Variants in HECW2 observed in about 807,000 individuals in gnomAD.
HECW2 encodes E3 ubiquitin-protein ligase HECW2.
HECW2 carries 61 observed loss-of-function variants against 175.2 expected under a neutral mutation model. The ratio of observed to expected loss-of-function variants is 0.35; its 90% CI spans 0.28 to 0.43. HECW2 has a LOEUF of 0.43. HECW2 is among the 20% of genes least tolerant of loss of function. The pLI is 1.00. For missense variants in HECW2, 1,524 were observed against 2,000.5 expected (o/e 0.76, Z 4.54); for synonymous variants, 671 against 731.0 (o/e 0.92, Z 1.32).
chr2:196,349,072 ACCCTCTTCT>A (rs1455157457), intron 2 of HECW2, among the ~76,000 whole-genome samples: 4 of 152,020 alleles, frequency 2.6e-5, no homozygotes, highest in African/African-American at 9.7e-5. Context: ...TGCCTGCGGC[ACCCTCTTCT>A]CCACCAGTCA....
chr2:196,461,458 A>T (rs1431810467), intron 1 of HECW2, among the ~76,000 whole-genome samples: 1 of 152,220 alleles, frequency 6.6e-6, no homozygotes, highest in Non-Finnish European at 1.5e-5. Flanking sequence ...TTTCATACAC[A>T]CACCATGCCA....
intron 2 of HECW2, among the ~76,000 whole-genome samples, chr2:196,430,522 T>C (rs977954517): frequency 6.6e-6 from 1 of 152,154 alleles, no homozygotes; most frequent in Non-Finnish European, 1.5e-5. Context: ...TCAATTCAGT[T>C]TGAAGAACTG....
At chr2:196,360,576 GA>G (rs962733628) in intron 2 of HECW2, among the ~76,000 whole-genome samples, 4 of 150,750 alleles carry the variant, frequency 2.7e-5, no homozygotes, top group Admixed American at 6.6e-5. Flanking sequence ...GAGAGGATCA[GA>G]AAAAAAAATT....
chr2:196,509,589 C>T (rs1028085251), intron 1 of HECW2, among the ~76,000 whole-genome samples: 1 of 152,092 alleles, frequency 6.6e-6, no homozygotes, highest in African/African-American at 2.4e-5. Flanking sequence ...TTGGGGATCC[C>T]AAGGATTTTA....
intron 1 of HECW2, among the ~76,000 whole-genome samples, chr2:196,464,789 C>G (rs932430969): frequency 8.5e-5 from 13 of 152,294 alleles, no homozygotes; most frequent in African/African-American, 2.6e-4. Context: ...CGCCTGTAAT[C>G]CCAGCACTTT....
intron 14 of HECW2, chr2:196,289,894 A>C (rs1690542313): frequency 6.6e-6 from 1 of 152,170 alleles, no homozygotes; most frequent in African/African-American, 2.4e-5. Context: ...ATCTACTGGA[A>C]GCTGGTCACT....
At chr2:196,569,650 G>A in intron 1 of HECW2, among the ~76,000 whole-genome samples, 1 of 152,128 alleles carries the variant, frequency 6.6e-6, no homozygotes, top group East Asian at 1.9e-4. Context: ...CAGGACCCCC[G>A]ATTTGTGCCT....
chr2:196,353,297 T>C (rs866212112), intron 2 of HECW2, among the ~76,000 whole-genome samples: 14 of 152,350 alleles, frequency 9.2e-5, no homozygotes, highest in Middle Eastern at 6.8e-3. Flanking sequence ...CTCTGACTGC[T>C]TCATTTTGAA....
At chr2:196,546,834 A>G (rs79825531) in intron 1 of HECW2, among the ~76,000 whole-genome samples, 103 of 152,130 alleles carry the variant, frequency 6.8e-4, no homozygotes, top group Non-Finnish European at 1.1e-3. Flanking sequence ...AAAAAAAAAA[A>G]AGAGAGAAAG....
At position 196,343,768 on chromosome 2, in the gene HECW2, G is replaced by C. The variant is rs574152886; in HGVS notation, c.293-4C>G. ...AAGTTGGCTGGAGAATTCTCATCTAGAAAAACCAAAGAAACACTTTTCAGA... is the reference window on the plus strand; with the variant it reads ...AAGTTGGCTGGAGAATTCTCATCTACAAAAACCAAAGAAACACTTTTCAGA... On this transcript the variant is annotated splice_polypyrimidine_tract_variant and splice_region_variant and intron_variant, in intron 2 of 28. Coordinates refer to ENST00000644978, the MANE Select transcript of HECW2 (RefSeq NM_001348768.2). 17 of 1,582,462 alleles carry C rather than the reference G, an allele frequency of 1.1e-5. No individual in the cohort carries two copies. In the South Asian group the frequency reaches 1.2e-4, roughly 11 times the overall value.
chr2:196,433,475 A>T lies in HECW2; in HGVS notation c.-35-17T>A. On this transcript the variant is annotated splice_polypyrimidine_tract_variant and intron_variant, in intron 1 of 28. Coordinates refer to ENST00000644978, the MANE Select transcript of HECW2 (RefSeq NM_001348768.2). ...CCTACAAAGCTGCAAGAGACAGATA[A>T]ACATAAAACATTAGTGCTACAATAC... 1.3e-6 allele frequency: 2 copies of T among 1,551,460 alleles called. No individual in the cohort carries two copies. Among genetic ancestry groups the T allele is most frequent in the Non-Finnish European group, 1.8e-6 (2 of 1,142,804 alleles).
Position 196,319,814 on chromosome 2 carries a change from C to G in HECW2, c.1076G>C (p.Gly359Ala), listed in dbSNP as rs201469715. 6.2e-7 allele frequency: 1 copy of G among 1,614,160 alleles called. No homozygotes were observed. Among genetic ancestry groups the G allele is most frequent in the East Asian group, 2.2e-5 (1 of 44,894 alleles). The change falls in exon 9 of 29, where the codon GGG becomes GCG. Residue 359 changes from glycine to alanine, a missense_variant. Gly to Ala is a moderately conservative substitution (Grantham distance 60, BLOSUM62 0). Around this residue, in one of 11 missense-constraint regions of HECW2, gnomAD observed 604 missense variants for 588.3 expected, o/e 1.03. Coordinates refer to ENST00000644978, the MANE Select transcript of HECW2 (RefSeq NM_001348768.2). Reference sequence around the variant, plus strand: ...GCACACCTGGCTGTCGTGATGGCTCCCTGGCATGTCCTCGTCATCGGAAGG... The same window carrying G: ...GCACACCTGGCTGTCGTGATGGCTCGCTGGCATGTCCTCGTCATCGGAAGG... ...GSPSDDEDMP[G>A]SHHDSQVCSN...
chr2:196,558,051 G>T (rs1689870159), intron 1 of HECW2, among the ~76,000 whole-genome samples: 1 of 151,988 alleles, frequency 6.6e-6, no homozygotes, highest in African/African-American at 2.4e-5. Flanking sequence ...CTAATCCTAT[G>T]GAATAGGTAC....
At chr2:196,548,278 T>C (rs13414958) in intron 1 of HECW2, among the ~76,000 whole-genome samples, 5,634 of 147,904 alleles carry the variant, frequency 0.038, 356 homozygotes, top group African/African-American at 0.13. Flanking sequence ...TGCAGTGGGC[T>C]GAGATCTCGC....
intron 1 of HECW2, among the ~76,000 whole-genome samples, chr2:196,502,923 T>C (rs1314635610): frequency 6.6e-6 from 1 of 152,168 alleles, no homozygotes; most frequent in Non-Finnish European, 1.5e-5. Context: ...GTCTATAAAT[T>C]AAGCTAATAA....
chr2:196,514,223 G>A lies in HECW2; in HGVS notation c.-36+79285C>T, dbSNP rs145680742. On this transcript the variant is annotated intron_variant, in intron 1 of 28. Transcript: ENST00000644978. ...CCAATTTCAGAGCAAAGTTGTGGCCGAGTCTGAGCACTGTCACAACCCAGC... is the reference window on the plus strand; with the variant it reads ...CCAATTTCAGAGCAAAGTTGTGGCCAAGTCTGAGCACTGTCACAACCCAGC... Among the ~76,000 whole-genome samples the A allele has an allele frequency of 4.6e-5, 7 of 152,354 alleles. No homozygotes were observed. In the South Asian group the frequency reaches 1.2e-3, roughly 27 times the overall value.
chr2:196,347,221 T>A (rs941407548), intron 2 of HECW2, among the ~76,000 whole-genome samples: 1 of 150,766 alleles, frequency 6.6e-6, no homozygotes, highest in African/African-American at 2.4e-5. Flanking sequence ...CCCAGCTAAT[T>A]TTTTTGATTT....
chr2:196,489,368 T>C (rs1158983370), intron 1 of HECW2, among the ~76,000 whole-genome samples: 1 of 152,206 alleles, frequency 6.6e-6, no homozygotes. Context: ...TCTAAGGTCC[T>C]CAAAGCTATT....
chr2:196,515,535 C>T (rs1173016132), intron 1 of HECW2, among the ~76,000 whole-genome samples: 1 of 152,204 alleles, frequency 6.6e-6, no homozygotes, highest in African/African-American at 2.4e-5. Flanking sequence ...AGGCTGCATG[C>T]CAGTAATGTG....
Sources: allele counts gnomAD v4.1 joint callset (sites outside exome capture counted in the v4.1 genomes callset), GRCh38; gene constraint gnomAD v4.1.1; regional missense constraint gnomAD v4.1.1; transcripts MANE v1.5; gene names NCBI Gene and HGNC (gene_info 2026-07-23, HGNC 2026-07-21).